USP37: variants seen among roughly 807,000 people sequenced by gnomAD.
USP37 encodes the protein ubiquitin specific peptidase 37, also known as ubiquitin carboxyl-terminal hydrolase 37.
Under a neutral mutation model 124.0 loss-of-function variants are expected in USP37, and 27 were observed. The ratio of observed to expected loss-of-function variants is 0.22; its 90% CI spans 0.16 to 0.30. USP37 has a LOEUF of 0.30. Among genes scored for constraint, USP37 ranks in the 10% least tolerant of loss-of-function variants. USP37 has a pLI of 1.00. For synonymous variants in USP37, 365 were observed against 388.0 expected (o/e 0.94, Z 0.70); for missense variants, 889 against 1,140.4 (o/e 0.78, Z 3.17).
Position 218,484,286 on chromosome 2 carries a change from G to A in USP37, c.1670+1378C>T, listed in dbSNP as rs565214136. On this transcript the variant is annotated intron_variant, in intron 16 of 25. Coordinates refer to ENST00000258399, the MANE Select transcript of USP37 (RefSeq NM_020935.3). ...TTCTCAAAATGTTGAGATTACAGGC[G>A]TGAACCACCACACCCAGCCTTTATA... is the stretch of plus-strand genomic sequence containing the variant. 1.5e-3 allele frequency among the ~76,000 whole-genome samples: 235 copies of A among 152,154 alleles called. 1 individual carries two copies. Among genetic ancestry groups the A allele is most frequent in the South Asian group, 5.2e-3 (25 of 4,822 alleles).
At chr2:218,505,984 C>T (rs1171873606) in intron 11 of USP37, among the ~76,000 whole-genome samples, 1 of 151,832 alleles carries the variant, frequency 6.6e-6, no homozygotes, top group Non-Finnish European at 1.5e-5. Flanking sequence ...TTGCCTCAGT[C>T]CCCTGAGTAT....
chr2:218,455,824 G>T, intron 24 of USP37, 106 bp from the exon 25 acceptor site: 1 of 1,225,710 alleles, frequency 8.2e-7, no homozygotes, highest in East Asian at 2.7e-5. Flanking sequence ...GAGGCAGGCG[G>T]ATCACGAGGT....
intron 2 of USP37, among the ~76,000 whole-genome samples, chr2:218,562,344 T>G (rs1024029877): frequency 8.5e-5 from 13 of 152,228 alleles, no homozygotes; most frequent in African/African-American, 3.1e-4. Flanking sequence ...AGACAAAAGA[T>G]AATTAAAATG....
rs1221997146 is a variant in USP37, at chr2:218,517,584, C to A, written c.864-7444G>T. Among the ~76,000 whole-genome samples the A allele has an allele frequency of 2.6e-5, 4 of 152,274 alleles. No individual in the cohort carries two copies. The South Asian group carries it at 8.3e-4, about 32-fold the overall frequency. ...GCTTCTACAATTGCTATAGAAAAGT[C>A]AAAGGTCAGATATTTTTGCTCCTTT... On this transcript the variant is annotated intron_variant, in intron 10 of 25. Coordinates refer to ENST00000258399, the MANE Select transcript of USP37 (RefSeq NM_020935.3).
chr2:218,469,442 G>A (rs980722540), intron 20 of USP37, among the ~76,000 whole-genome samples: 1 of 152,134 alleles, frequency 6.6e-6, no homozygotes. Flanking sequence ...CATTTCAAGT[G>A]GAAGGAAGAC....
intron 22 of USP37, among the ~76,000 whole-genome samples, chr2:218,462,929 G>T (rs1185885370): frequency 6.6e-6 from 1 of 152,048 alleles, no homozygotes; most frequent in Non-Finnish European, 1.5e-5. Flanking sequence ...CACTTTGGGA[G>T]GCTGAGGAGG....
chr2:218,487,982 G>A (rs1235287902), intron 15 of USP37, among the ~76,000 whole-genome samples: 1 of 150,888 alleles, frequency 6.6e-6, no homozygotes, highest in Admixed American at 6.6e-5. Flanking sequence ...TCAGGAGTTC[G>A]AGACCAGCCT....
chr2:218,523,112 C>T (rs1690756535), intron 10 of USP37, among the ~76,000 whole-genome samples: 2 of 152,150 alleles, frequency 1.3e-5, no homozygotes, highest in South Asian at 2.1e-4. Flanking sequence ...CCCGTCTCTA[C>T]CAAAAATACA....
intron 17 of USP37, 121 bp downstream of exon 17, chr2:218,481,949 T>A (rs970091691): frequency 1.4e-5 from 17 of 1,174,806 alleles, no homozygotes; most frequent in Non-Finnish European, 1.9e-5. Context: ...CCACTGCATC[T>A]GGCCATTGAT....
intron 14 of USP37, among the ~76,000 whole-genome samples, chr2:218,491,140 C>G (rs1305133317): frequency 3.3e-5 from 5 of 152,202 alleles, no homozygotes; most frequent in Non-Finnish European, 7.3e-5. Context: ...TCCCAAAGTG[C>G]TGGGATTACA....
At chr2:218,505,480 A>G in intron 11 of USP37, among the ~76,000 whole-genome samples, 1 of 152,196 alleles carries the variant, frequency 6.6e-6, no homozygotes, top group Non-Finnish European at 1.5e-5. Flanking sequence ...CCTCAGGAAG[A>G]GCAAATGTGT....
At chr2:218,563,593 T>C (rs1331884748) in intron 1 of USP37, among the ~76,000 whole-genome samples, 2 of 152,202 alleles carry the variant, frequency 1.3e-5, no homozygotes, top group East Asian at 3.8e-4. Context: ...GCCTGAACTT[T>C]CTCTGAAGTT....
At chr2:218,507,096 T>C (rs1686552705) in intron 11 of USP37, among the ~76,000 whole-genome samples, 1 of 151,596 alleles carries the variant, frequency 6.6e-6, no homozygotes, top group African/African-American at 2.4e-5. Context: ...TGCCTGGATT[T>C]TTATTCATGC....
chr2:218,520,413 G>A (rs538911893), intron 10 of USP37, among the ~76,000 whole-genome samples: 96 of 147,538 alleles, frequency 6.5e-4, no homozygotes, highest in South Asian at 5.6e-3. Context: ...GCAACGGAGC[G>A]AACTTGGCTC....
At chr2:218,525,333 A>C (rs962393449) in intron 10 of USP37, among the ~76,000 whole-genome samples, 2 of 152,040 alleles carry the variant, frequency 1.3e-5, no homozygotes, top group Non-Finnish European at 2.9e-5. Context: ...ATACCAAAAA[A>C]ATAGCCAGGT....
At chr2:218,567,801 G>A (rs1280436043) in intron 1 of USP37, among the ~76,000 whole-genome samples, 1 of 152,206 alleles carries the variant, frequency 6.6e-6, no homozygotes, top group Non-Finnish European at 1.5e-5. Flanking sequence ...CAAGAGGAAG[G>A]TGAAGATGGT....
At position 218,524,204 on chromosome 2, in the gene USP37, A is replaced by C. The variant is rs568737830; in HGVS notation, c.863+5752T>G. 2.8e-4 allele frequency among the ~76,000 whole-genome samples: 43 copies of C among 152,316 alleles called. No homozygotes were observed. In the East Asian group the frequency reaches 7.7e-3, roughly 27 times the overall value. On this transcript the variant is annotated intron_variant, in intron 10 of 25. Coordinates refer to ENST00000258399, the MANE Select transcript of USP37 (RefSeq NM_020935.3). ...TTTCTGTGTTCATAAGTGAAAAACT[A>C]TAATTTTCTCTTCTCATATTGCTGT...
chr2:218,556,606 C>T (rs981569691), intron 4 of USP37, among the ~76,000 whole-genome samples: 4 of 149,838 alleles, frequency 2.7e-5, no homozygotes, highest in Non-Finnish European at 5.9e-5. Context: ...CTCTGCCTCC[C>T]GGATTCAAGC....
chr2:218,484,232 T>G (rs113692080), intron 16 of USP37, among the ~76,000 whole-genome samples: 9 of 152,116 alleles, frequency 5.9e-5, no homozygotes, highest in Admixed American at 3.9e-4. Flanking sequence ...TCTTGAACTC[T>G]TGGTCTCAAG....
Sources: allele counts gnomAD v4.1 joint callset (sites outside exome capture counted in the v4.1 genomes callset), GRCh38; gene constraint gnomAD v4.1.1; transcripts MANE v1.5; gene names NCBI Gene and HGNC (gene_info 2026-07-23, HGNC 2026-07-21).